Variants in NR2F6 observed in about 807,000 individuals in gnomAD.
NR2F6 encodes ERBA-related gene-2.
A neutral mutation model predicts 26.5 loss-of-function variants in NR2F6; 16 were observed. That is an observed-to-expected ratio of 0.60 (90% CI 0.41 to 0.92). The LOEUF (loss-of-function observed/expected upper bound fraction) is 0.92. NR2F6 is among the 40% of genes least tolerant of loss of function. The pLI is 0.00. For missense variants in NR2F6, 536 were observed against 631.7 expected (o/e 0.85, Z 1.62); for synonymous variants, 325 against 305.0 (o/e 1.07, Z -0.68).
At chr19:17,242,326 A>C (rs1375687947) in intron 1 of NR2F6, among the ~76,000 whole-genome samples, 1 of 152,166 alleles carries the variant, frequency 6.6e-6, no homozygotes, top group Non-Finnish European at 1.5e-5. Context: ...CTCAAAAACA[A>C]AACAAAACAA....
At position 17,245,205 on chromosome 19, in the gene NR2F6, C is replaced by T; in HGVS notation, c.16G>A (p.Gly6Ser). 1 of 1,371,130 alleles carries T rather than the reference C, an allele frequency of 7.3e-7. No individual in the cohort carries two copies. The highest frequency in any genetic ancestry group is 9.4e-7 in the Non-Finnish European group (1 of 1,060,824). The allele number at this position is 1,371,130 out of a possible 1,614,324, so 84.9% of individuals were successfully genotyped here. A position where few individuals can be genotyped will look rare whatever the true frequency, so the allele number is the denominator to read the frequency against. MAMVT[G>S]GWGGPGGDTN... ...TCGCCGCCGGGGCCGCCCCAGCCGC[C>T]GGTCACCATGGCCATAGCCCCAGGG... is the stretch of plus-strand genomic sequence containing the variant. Residue 6 changes from glycine to serine, a missense_variant, in exon 1 of 4, where the codon GGC (glycine) becomes AGC (serine). Transcript: ENST00000291442. This position sits in a 1 kb window ranked among gnomAD's most constrained non-coding sequence, Gnocchi z 5.0.
intron 3 of NR2F6, among the ~76,000 whole-genome samples, chr19:17,234,291 G>A (rs546071136): frequency 6.6e-5 from 10 of 151,864 alleles, no homozygotes; most frequent in African/African-American, 9.7e-5. Flanking sequence ...TTTGAGACGC[G>A]GTCTCACTCT....
Position 17,232,111 on chromosome 19 carries a change from C to T in NR2F6, c.*241G>A. 1.8e-6 allele frequency: 1 copy of T among 563,954 alleles called. No individual in the cohort carries two copies. Among genetic ancestry groups the T allele is most frequent in the South Asian group, 2.2e-5 (1 of 46,212 alleles). 34.9% of individuals were successfully genotyped at this position (563,954 alleles called of 1,614,324 possible). On this transcript the variant is annotated 3_prime_UTR_variant, in exon 4 of 4. Coordinates refer to ENST00000291442, the MANE Select transcript of NR2F6 (RefSeq NM_005234.4). Reference sequence around the variant, plus strand: ...GAACAAGGCTGTCCTAGGATTGGACCCTCCATCCTGGACAGGGGTCCTGGG... The same window carrying T: ...GAACAAGGCTGTCCTAGGATTGGACTCTCCATCCTGGACAGGGGTCCTGGG...
intron 2 of NR2F6, among the ~76,000 whole-genome samples, chr19:17,239,351 C>CAAAAT (rs1416792251): frequency 1.4e-5 from 2 of 146,208 alleles, no homozygotes; most frequent in Non-Finnish European, 3.0e-5. Flanking sequence ...CAAAACAAAA[C>CAAAAT]AAAATACAAA....
At chr19:17,240,157 G>C (rs1019411096) in intron 2 of NR2F6, among the ~76,000 whole-genome samples, 2 of 152,238 alleles carry the variant, frequency 1.3e-5, no homozygotes, top group Admixed American at 1.3e-4. Context: ...GAAAGGGTAA[G>C]CTGCCCTTTG....
At chr19:17,242,564 C>A (rs1018639706) in intron 1 of NR2F6, among the ~76,000 whole-genome samples, 5 of 152,218 alleles carry the variant, frequency 3.3e-5, no homozygotes, top group African/African-American at 1.2e-4. Flanking sequence ...CCCCGTACCC[C>A]CCCTCCACCA....
chr19:17,240,348 T>C (rs980289837), intron 2 of NR2F6, among the ~76,000 whole-genome samples: 1 of 152,058 alleles, frequency 6.6e-6, no homozygotes, highest in African/African-American at 2.4e-5. Flanking sequence ...TCGGGGGTAA[T>C]TGGGGAAGGC....
At chr19:17,240,819 A>G in intron 1 of NR2F6, 54 bp from the exon 2 acceptor site, 1 of 1,575,752 alleles carries the variant, frequency 6.3e-7, no homozygotes, top group Non-Finnish European at 8.7e-7. Context: ...CTCCTCCCCG[A>G]ACCAGCCTAT....
chr19:17,242,130 A>G (rs1336473778), intron 1 of NR2F6, among the ~76,000 whole-genome samples: 1 of 151,418 alleles, frequency 6.6e-6, no homozygotes, highest in Non-Finnish European at 1.5e-5. Flanking sequence ...ACCAGCCTGA[A>G]CAACATAGAG....
At position 17,245,888 on chromosome 19, in the gene NR2F6, C is replaced by T. The variant is rs2073496249; in HGVS notation, c.-668G>A. ...TCTCGCCGCCGCCACCGCCACCGAC[C>T]CCGCGCGCCGGCCTCGCGCTGCGGC... is the stretch of plus-strand genomic sequence containing the variant. On this transcript the variant is annotated 5_prime_UTR_variant, in exon 1 of 4. Coordinates refer to ENST00000291442, the MANE Select transcript of NR2F6 (RefSeq NM_005234.4). The surrounding 1 kb of genome is among the most constrained non-coding windows in gnomAD (Gnocchi z 5.0). 6.8e-6 allele frequency: 1 copy of T among 146,792 alleles called. No homozygotes were observed. The highest frequency in any genetic ancestry group is 2.0e-4 in the South Asian group (1 of 4,914). The allele number at this position is 146,792 out of a possible 1,614,324, so 9.1% of individuals were successfully genotyped here.
rs2073429225 is a variant in NR2F6, at chr19:17,235,247, C to T, written c.940+252G>A. Among the ~76,000 whole-genome samples the T allele has an allele frequency of 6.6e-6, 1 of 152,336 alleles. No homozygotes were observed. Among genetic ancestry groups the T allele is most frequent in the Middle Eastern group, 3.4e-3 (1 of 294 alleles). On this transcript the variant is annotated intron_variant, in intron 3 of 3. Coordinates refer to ENST00000291442, the MANE Select transcript of NR2F6 (RefSeq NM_005234.4). This position sits in a 1 kb window ranked among gnomAD's most constrained non-coding sequence, Gnocchi z 5.0. ...GGTCTGGGCCCTGGTCCTGGCCCAG[C>T]CTTGGGTCTGGGGTCCGGGGTTCAG...
chr19:17,245,068 C>T lies in NR2F6; in HGVS notation c.153G>A (p.Gly51=). ...DAEPGDEERP[G]LQVDCVVCGD... is the part of the protein sequence containing the mutation. ...CGCACACCACGCAGTCCACCTGCAG[C>T]CCCGGCCGCTCCTCGTCGCCCGGCT... The change falls in exon 1 of 4, where the codon GGG becomes GGA. Residue 51 remains glycine (G), a synonymous_variant. Transcript: ENST00000291442. The surrounding 1 kb of genome is among the most constrained non-coding windows in gnomAD (Gnocchi z 5.0). 4 of 1,596,192 alleles carry T rather than the reference C, an allele frequency of 2.5e-6. No homozygotes were observed. Among genetic ancestry groups the T allele is most frequent in the East Asian group, 2.3e-5 (1 of 43,158 alleles).
At chr19:17,240,402 C>T (rs904238240) in intron 2 of NR2F6, among the ~76,000 whole-genome samples, 3 of 152,180 alleles carry the variant, frequency 2.0e-5, no homozygotes, top group Non-Finnish European at 4.4e-5. Context: ...CCTTGTGGGG[C>T]GTCCCTGGCC....
Position 17,245,210 on chromosome 19 carries a change from A to C in NR2F6, c.11T>G (p.Val4Gly). 1 of 1,366,548 alleles carries C rather than the reference A, an allele frequency of 7.3e-7. No homozygotes were observed. The allele number at this position is 1,366,548 out of a possible 1,614,324, so 84.7% of individuals were successfully genotyped here. A position where few individuals can be genotyped will look rare whatever the true frequency, so the allele number is the denominator to read the frequency against. ...GCCGGGGCCGCCCCAGCCGCCGGTCACCATGGCCATAGCCCCAGGGCAGCG... is the reference window on the plus strand; with the variant it reads ...GCCGGGGCCGCCCCAGCCGCCGGTCCCCATGGCCATAGCCCCAGGGCAGCG... MAM[V>G]TGGWGGPGGD... Residue 4 changes from valine to glycine, a missense_variant, in exon 1 of 4, where the codon GTG (valine) becomes GGG (glycine). Transcript: ENST00000291442. This position sits in a 1 kb window ranked among gnomAD's most constrained non-coding sequence, Gnocchi z 5.0.
chr19:17,234,222 C>CA (rs1277277620), intron 3 of NR2F6, among the ~76,000 whole-genome samples: 15,373 of 88,876 alleles, frequency 0.17, 1,027 homozygotes, highest in Middle Eastern at 0.3. Flanking sequence ...GACTCCGTCT[C>CA]AAAAAAAAAA....
In NR2F6 at chr19:17,235,807, A is replaced by C. The variant is rs1208035542; in HGVS notation, c.632T>G (p.Phe211Cys). The change falls in exon 3 of 4, where the codon TTC (phenylalanine) becomes TGC (cysteine). Residue 211 changes from phenylalanine (F) to cysteine (C), a missense_variant. Coordinates refer to ENST00000291442, the MANE Select transcript of NR2F6 (RefSeq NM_005234.4). This position sits in a 1 kb window ranked among gnomAD's most constrained non-coding sequence, Gnocchi z 5.0. ...NVCELAARLL[F>C]STVEWARHAP... ...GTGGCGCGCCCACTCCACGGTGCTG[A>C]AGAGCAGCCGCGCCGCCAGCTCGCA... is the stretch of plus-strand genomic sequence containing the variant. The C allele has an allele frequency of 6.7e-7, 1 of 1,484,344 alleles. No homozygotes were observed. The highest frequency in any genetic ancestry group is 8.9e-7 in the Non-Finnish European group (1 of 1,126,320). 91.9% of individuals were successfully genotyped at this position (1,484,344 alleles called of 1,614,324 possible).
At chr19:17,242,386 T>C (rs1442268891) in intron 1 of NR2F6, among the ~76,000 whole-genome samples, 2 of 152,136 alleles carry the variant, frequency 1.3e-5, no homozygotes, top group African/African-American at 4.8e-5. Context: ...GCCCCTCAGG[T>C]GGCGACTGCC....
At chr19:17,233,747 C>G (rs991080487) in intron 3 of NR2F6, among the ~76,000 whole-genome samples, 1 of 152,002 alleles carries the variant, frequency 6.6e-6, no homozygotes, top group Admixed American at 6.6e-5. Flanking sequence ...CTCCCCACCT[C>G]GGCCTCCCAA....
Position 17,235,075 on chromosome 19 carries a change from G to A in NR2F6, c.940+424C>T, listed in dbSNP as rs962011217. Among the ~76,000 whole-genome samples, 2 of 152,300 alleles carry A rather than the reference G, an allele frequency of 1.3e-5. No individual in the cohort carries two copies. Among genetic ancestry groups the A allele is most frequent in the South Asian group, 4.1e-4 (2 of 4,834 alleles). On this transcript the variant is annotated intron_variant, in intron 3 of 3. Transcript: ENST00000291442. The surrounding 1 kb of genome is among the most constrained non-coding windows in gnomAD (Gnocchi z 5.0). ...GGAGGTTGCCCTGGGAGCCCAGTGG[G>A]GGCCTGAGGGGGCCAGAACCAGGGG...
Sources: gnomAD v4.1 joint callset for allele counts (sites outside exome capture counted in the v4.1 genomes callset) on GRCh38, gnomAD v4.1.1 for gene constraint, Gnocchi (gnomAD v3.1) non-coding constraint, MANE v1.5 for transcripts, NCBI Gene and HGNC (gene_info 2026-07-23, HGNC 2026-07-21) for gene names.